The following ADAMTSL1 variants were observed in gnomAD, a reference collection of about 807,000 sequenced individuals.
ADAMTSL1 encodes the protein ADAMTS like 1, also known as ADAMTS-like protein 1.
In ADAMTSL1, 126 loss-of-function variants were observed where a neutral mutation model predicts 201.8. The ratio of observed to expected loss-of-function variants is 0.62; its 90% CI spans 0.54 to 0.72. ADAMTSL1 has a LOEUF of 0.72. ADAMTSL1 is among the 30% of genes least tolerant of loss of function. The probability of loss-of-function intolerance (pLI) is 0.00; values close to 1 mark genes in which losing one functional copy is unlikely to be tolerated. For synonymous variants in ADAMTSL1, 1,121 were observed against 903.4 expected (o/e 1.24, Z -4.32); for missense variants, 2,679 against 2,277.8 (o/e 1.18, Z -3.59).
At chr9:18,587,327 A>G (rs1474867308) in intron 4 of ADAMTSL1, among the ~76,000 whole-genome samples, 2 of 152,164 alleles carry the variant, frequency 1.3e-5, no homozygotes, top group Admixed American at 6.5e-5. Flanking sequence ...AAGATGACAT[A>G]CATGCAGCCA....
chr9:18,321,725 G>A (rs937730235), intron 2 of ADAMTSL1, among the ~76,000 whole-genome samples: 2 of 150,824 alleles, frequency 1.3e-5, no homozygotes, highest in South Asian at 2.1e-4. Context: ...CCCGGGAGGC[G>A]GAGCTTGCAG....
At chr9:18,283,528 C>G (rs1832872477) in intron 2 of ADAMTSL1, among the ~76,000 whole-genome samples, 1 of 148,194 alleles carries the variant, frequency 6.7e-6, no homozygotes, top group Non-Finnish European at 1.5e-5. Flanking sequence ...TTCGCTTGAG[C>G]CTGGGAAGTT....
chr9:18,303,799 C>G (rs1215781806), intron 2 of ADAMTSL1, among the ~76,000 whole-genome samples: 2 of 152,148 alleles, frequency 1.3e-5, no homozygotes, highest in African/African-American at 4.8e-5. Context: ...TGATATTTTT[C>G]TTTTTAATAA....
chr9:18,549,673 A>C (rs1368769816), intron 3 of ADAMTSL1, among the ~76,000 whole-genome samples: 1 of 151,982 alleles, frequency 6.6e-6, no homozygotes, highest in Non-Finnish European at 1.5e-5. Flanking sequence ...ACATGACCAC[A>C]TATGTTGCTT....
chr9:18,721,484 C>A lies in ADAMTSL1; in HGVS notation c.1877-52C>A, dbSNP rs142845663. Reference sequence around the variant, plus strand: ...TGCCTTGTCTACACTTCATCACCCCCCACACACACACCCACTTTGCACTCT... The same window carrying A: ...TGCCTTGTCTACACTTCATCACCCCACACACACACACCCACTTTGCACTCT... On this transcript the variant is annotated intron_variant, in intron 14 of 28. Transcript: ENST00000380548. The A allele has an allele frequency of 1.4e-4, 225 of 1,595,242 alleles. 1 individual carries two copies. The African/African-American group carries it at 1.6e-3, about 11-fold the overall frequency.
rs1587766322 is a variant in ADAMTSL1 at position 18,639,337 on chromosome 9, G to A, written c.760G>A (p.Val254Met). The change falls in exon 7 of 29, where the codon GTG becomes ATG. Residue 254 changes from valine (V) to methionine (M), a missense_variant. By Grantham distance (21) the Val-to-Met change is conservative. Coordinates refer to ENST00000380548, the MANE Select transcript of ADAMTSL1 (RefSeq NM_001040272.6). ...AACTTTCCTTGTGGACAATTCTAGT[G>A]TGGACTTCCAGAAATTTCCAGACAA... ...TGTFLVDNSS[V>M]DFQKFPDKEI... The A allele has an allele frequency of 6.2e-7, 1 of 1,613,074 alleles. No homozygotes were observed.
At chr9:18,093,889 T>A (rs1484835736) in intron 1 of ADAMTSL1, among the ~76,000 whole-genome samples, 1 of 152,002 alleles carries the variant, frequency 6.6e-6, no homozygotes, top group African/African-American at 2.4e-5. Context: ...GAGAGAAATA[T>A]GGGAAGGTCA....
At chr9:18,891,565 C>G (rs1179793122) in intron 25 of ADAMTSL1, among the ~76,000 whole-genome samples, 1 of 152,240 alleles carries the variant, frequency 6.6e-6, no homozygotes, top group African/African-American at 2.4e-5. Context: ...CCATCGGTCA[C>G]AGTCTCACTT....
intron 2 of ADAMTSL1, among the ~76,000 whole-genome samples, chr9:18,375,393 T>C (rs1837243762): frequency 6.6e-6 from 1 of 152,226 alleles, no homozygotes; most frequent in Admixed American, 6.5e-5. Flanking sequence ...GTGCACAACG[T>C]TCAGGTTTTT....
chr9:18,622,498 G>C (rs1033659532), intron 5 of ADAMTSL1, 129 bp downstream of exon 5: 2 of 1,373,256 alleles, frequency 1.5e-6, no homozygotes, highest in African/African-American at 2.9e-5. Context: ...AAATGTAGAA[G>C]GCTTCATGCT....
chr9:18,802,168 T>C (rs761040295), intron 20 of ADAMTSL1, among the ~76,000 whole-genome samples: 43 of 151,920 alleles, frequency 2.8e-4, no homozygotes, highest in Non-Finnish European at 5.7e-4. Context: ...CCCAGCTACA[T>C]GGGAGGCTGA....
At chr9:18,285,019 A>G (rs1194690462) in intron 2 of ADAMTSL1, among the ~76,000 whole-genome samples, 2 of 152,120 alleles carry the variant, frequency 1.3e-5, no homozygotes, top group Admixed American at 6.5e-5. Context: ...TTGTATTTGT[A>G]TCTTTGGACA....
chr9:18,793,966 G>A (rs1351978483), intron 19 of ADAMTSL1, among the ~76,000 whole-genome samples: 1 of 152,086 alleles, frequency 6.6e-6, no homozygotes, highest in Non-Finnish European at 1.5e-5. Context: ...AGACTTGGGT[G>A]GAGTGGGTTT....
chr9:18,280,720 A>G (rs4512483), intron 2 of ADAMTSL1, among the ~76,000 whole-genome samples: 7,081 of 152,314 alleles, frequency 0.046, 256 homozygotes, highest in Non-Finnish European at 0.075. Context: ...TTACGTAGAA[A>G]TATAAGTGAC....
intron 2 of ADAMTSL1, among the ~76,000 whole-genome samples, chr9:18,391,371 T>G (rs746075336): frequency 1.3e-5 from 2 of 152,186 alleles, no homozygotes; most frequent in Non-Finnish European, 2.9e-5. Context: ...AAATTATATC[T>G]TTTATTTATT....
chr9:18,472,386 A>G (rs1356344335), upstream of ADAMTSL1, among the ~76,000 whole-genome samples: 3 of 152,248 alleles, frequency 2.0e-5, no homozygotes, highest in Non-Finnish European at 4.4e-5. Context: ...TCTTTCTAAA[A>G]GGGAAAAGCA....
intron 2 of ADAMTSL1, among the ~76,000 whole-genome samples, chr9:18,200,752 G>A (rs1333553845): frequency 2.0e-5 from 3 of 151,940 alleles, no homozygotes; most frequent in African/African-American, 7.2e-5. Context: ...TAAGTTTAAT[G>A]TATATAAAAT....
intron 1 of ADAMTSL1, among the ~76,000 whole-genome samples, chr9:18,053,343 C>T (rs1391529989): frequency 1.3e-5 from 2 of 151,572 alleles, no homozygotes; most frequent in African/African-American, 4.8e-5. Context: ...CACTTTCATT[C>T]TCTCTCTCTC....
intron 1 of ADAMTSL1, among the ~76,000 whole-genome samples, chr9:18,157,607 T>A (rs2132069541): frequency 6.6e-6 from 1 of 152,174 alleles, no homozygotes; most frequent in East Asian, 1.9e-4. Flanking sequence ...TGGACCAGCA[T>A]GTTCTATCTC....
Sources: allele counts gnomAD v4.1 joint callset (sites outside exome capture counted in the v4.1 genomes callset), GRCh38; gene constraint gnomAD v4.1.1; transcripts MANE v1.5; gene names NCBI Gene and HGNC (gene_info 2026-07-23, HGNC 2026-07-21).